The following ATP7B variants were observed in gnomAD, a reference collection of about 807,000 sequenced individuals.
The protein encoded by ATP7B is copper-transporting ATPase 2.
A neutral mutation model predicts 118.9 loss-of-function variants in ATP7B; 113 were observed. That is an observed-to-expected ratio of 0.95 (90% confidence interval 0.82 to 1.11). The LOEUF (loss-of-function observed/expected upper bound fraction) is 1.11. ATP7B is among the 50% of genes most tolerant of loss of function. The pLI is 0.00. For missense variants in ATP7B, 1,867 were observed against 1,871.4 expected (o/e 1.00, Z 0.04); for synonymous variants, 777 against 727.4 (o/e 1.07, Z -1.10).
At chr13:51,959,795 T>G in intron 7 of ATP7B, 1 of 333,920 alleles carries the variant, frequency 3.0e-6, no homozygotes, top group Non-Finnish European at 5.7e-6. Context: ...AGTTGTTGCT[T>G]CCAGCAACAA....
chr13:51,970,439 T>C (rs1951782040), intron 3 of ATP7B, 53 bp downstream of exon 3: 2 of 1,611,762 alleles, frequency 1.2e-6, no homozygotes, highest in South Asian at 1.1e-5. Flanking sequence ...GAAGGGAGAA[T>C]ACGAGGTCTA....
chr13:52,007,449 T>C (rs1173511334), intron 1 of ATP7B, among the ~76,000 whole-genome samples: 1 of 152,218 alleles, frequency 6.6e-6, no homozygotes, highest in African/African-American at 2.4e-5. Flanking sequence ...CTCCCACTCC[T>C]TCCCTCTGCC....
intron 15 of ATP7B, among the ~76,000 whole-genome samples, chr13:51,941,603 T>G (rs1468733779): frequency 6.6e-6 from 1 of 152,202 alleles, no homozygotes; most frequent in Non-Finnish European, 1.5e-5. Context: ...TACTGCTTGG[T>G]ATCAACAACC....
intron 9 of ATP7B, among the ~76,000 whole-genome samples, chr13:51,954,715 T>C (rs1337905368): frequency 6.6e-6 from 1 of 151,980 alleles, no homozygotes; most frequent in African/African-American, 2.4e-5. Flanking sequence ...GGGGAATATT[T>C]TTGGGGAAAA....
rs1414935277 is a variant in ATP7B, at chr13:51,988,197, T to TA, written c.52-13030dup. 2.0e-5 allele frequency among the ~76,000 whole-genome samples: 3 copies of TA among 151,082 alleles called. No individual in the cohort carries two copies. In the East Asian group the frequency reaches 5.9e-4, roughly 29 times the overall value. On this transcript the variant is annotated intron_variant, in intron 1 of 20. Transcript: ENST00000242839. ...TAATATCCAGGATCTACAAGGAACT[T>TA]AAACAAATTTACAAGAAAAAAAAAA...
At chr13:51,972,176 C>A (rs1951873750) in intron 2 of ATP7B, among the ~76,000 whole-genome samples, 3 of 152,310 alleles carry the variant, frequency 2.0e-5, no homozygotes, top group Admixed American at 6.5e-5. Context: ...CTAATCTAAG[C>A]TACTAGTGGT....
chr13:51,941,008 G>A (rs1957296955), intron 16 of ATP7B, 73 bp downstream of exon 16: 3 of 1,592,162 alleles, frequency 1.9e-6, no homozygotes, highest in African/African-American at 1.3e-5. Context: ...TTATAAAGGA[G>A]GACTCTTTTG....
At chr13:52,002,362 A>G (rs9535830) in intron 1 of ATP7B, among the ~76,000 whole-genome samples, 73,642 of 149,110 alleles carry the variant, frequency 0.49, 19,124 homozygotes, top group Non-Finnish European at 0.58. Context: ...AGGAGTTTAA[A>G]ACCAGCTTGG....
intron 7 of ATP7B, 27 bp downstream of exon 7, chr13:51,960,121 G>A: frequency 1.9e-6 from 3 of 1,605,118 alleles, no homozygotes; most frequent in Non-Finnish European, 2.6e-6. Context: ...ATGGAAGGGA[G>A]AGGTCTGCCC....
At chr13:51,947,968 C>T (rs1368690902) in intron 12 of ATP7B, 2 of 152,224 alleles carry the variant, frequency 1.3e-5, no homozygotes, top group Non-Finnish European at 2.9e-5. Context: ...ACTGAGTCTT[C>T]CCATGGCCAT....
chr13:51,993,443 G>A (rs181373822), intron 1 of ATP7B, among the ~76,000 whole-genome samples: 5 of 152,186 alleles, frequency 3.3e-5, no homozygotes, highest in African/African-American at 9.6e-5. Context: ...TGCACCTGTG[G>A]TGGCAGCTAC....
At chr13:51,975,482 G>C in intron 1 of ATP7B, 1 of 545,730 alleles carries the variant, frequency 1.8e-6, no homozygotes. Context: ...ATGCAGCACG[G>C]CTGGCCTGCA....
At chr13:51,940,633 GA>G (rs1957277956) in intron 16 of ATP7B, among the ~76,000 whole-genome samples, 1 of 151,990 alleles carries the variant, frequency 6.6e-6, no homozygotes, top group African/African-American at 2.4e-5. Context: ...TGGGTGACAA[GA>G]GGGAAACTCA....
intron 3 of ATP7B, 32 bp downstream of exon 3, chr13:51,970,460 T>C: frequency 6.2e-7 from 1 of 1,614,004 alleles, no homozygotes; most frequent in Admixed American, 1.7e-5. Context: ...TACGCAGCAT[T>C]CCTAAGTTCA....
intron 1 of ATP7B, among the ~76,000 whole-genome samples, chr13:52,006,993 C>G (rs1953803678): frequency 6.6e-6 from 1 of 152,090 alleles, no homozygotes; most frequent in Admixed American, 6.6e-5. Flanking sequence ...CCTGCTTGGC[C>G]CAGTACCAGG....
At chr13:51,949,532 T>A in intron 12 of ATP7B, 130 bp downstream of exon 12, 1 of 1,377,090 alleles carries the variant, frequency 7.3e-7, no homozygotes, top group South Asian at 1.2e-5. Context: ...TTGCTGTCAA[T>A]AAGAGAAGCA....
upstream of ATP7B, among the ~76,000 whole-genome samples, chr13:52,011,679 G>A (rs990338196): frequency 6.6e-6 from 1 of 152,240 alleles, no homozygotes; most frequent in African/African-American, 2.4e-5. Context: ...GGCCCCGCCG[G>A]TGCCACAGTG....
At chr13:51,997,302 A>T (rs1252225099) in intron 1 of ATP7B, among the ~76,000 whole-genome samples, 1 of 152,082 alleles carries the variant, frequency 6.6e-6, no homozygotes, top group African/African-American at 2.4e-5. Flanking sequence ...AGTGACATCT[A>T]TTTTTCCGCT....
intron 1 of ATP7B, among the ~76,000 whole-genome samples, chr13:52,004,186 C>T (rs376580389): frequency 3.3e-4 from 50 of 152,158 alleles, no homozygotes; most frequent in South Asian, 4.1e-4. Flanking sequence ...TTCCTTAGCC[C>T]GGCAGAGGGA....
Sources: gnomAD v4.1 joint callset for allele counts (sites outside exome capture counted in the v4.1 genomes callset) on GRCh38, gnomAD v4.1.1 for gene constraint, MANE v1.5 for transcripts, NCBI Gene and HGNC (gene_info 2026-07-23, HGNC 2026-07-21) for gene names.